Variants in SMARCA2 observed in about 807,000 individuals in gnomAD.
SMARCA2 encodes SWI/SNF related BAF chromatin remodeling complex subunit ATPase 2.
A neutral mutation model predicts 199.8 loss-of-function variants in SMARCA2; 61 were observed. The observed-to-expected ratio is 0.31, with a 90% CI of 0.25 to 0.38. The LOEUF is 0.38. Ranked by LOEUF, SMARCA2 falls within the 10% of genes least tolerant of loss-of-function variation. SMARCA2 has a pLI of 1.00. For synonymous variants in SMARCA2, 935 were observed against 732.0 expected, an observed-to-expected ratio of 1.28 and a Z score of -4.48; for missense variants, 1,344 against 2,012.2, an observed-to-expected ratio of 0.67 and a Z score of 6.35.
intron 17 of SMARCA2, 76 bp downstream of exon 17, chr9:2,084,272 G>A: frequency 1.4e-6 from 1 of 735,814 alleles, no homozygotes; most frequent in Non-Finnish European, 2.3e-6. Context: ...CAAGTCAGTA[G>A]TGTAATTGGA....
At position 2,170,316 on chromosome 9, in the gene SMARCA2, G is replaced by A; in HGVS notation, c.4200-103G>A. 6.9e-7 allele frequency: 1 copy of A among 1,457,586 alleles called. No homozygotes were observed. The highest frequency in any genetic ancestry group is 2.4e-5 in the East Asian group (1 of 41,666). 90.3% of individuals were successfully genotyped at this position (1,457,586 alleles called of 1,614,324 possible). ...TCTTCCTAACAAGGCAGGTTGGTGAGGAGACTGAGGCTTGGCCAGGTCACC... is the reference window on the plus strand; with the variant it reads ...TCTTCCTAACAAGGCAGGTTGGTGAAGAGACTGAGGCTTGGCCAGGTCACC... On this transcript the variant is annotated intron_variant, in intron 28 of 33. Coordinates refer to ENST00000349721, the MANE Select transcript of SMARCA2 (RefSeq NM_003070.5). This position sits in a 1 kb window ranked among gnomAD's most constrained non-coding sequence, Gnocchi z 4.7.
intron 1 of SMARCA2, among the ~76,000 whole-genome samples, chr9:2,025,520 C>A (rs932655320): frequency 1.3e-5 from 2 of 152,158 alleles, no homozygotes; most frequent in East Asian, 3.9e-4. Context: ...CATCTGGGCC[C>A]TCTCCTCCAG....
At position 2,088,617 on chromosome 9, in the gene SMARCA2, T is replaced by A. The variant is rs370901967; in HGVS notation, c.2883+4T>A. 6 of 1,579,622 alleles carry A rather than the reference T, an allele frequency of 3.8e-6. No individual in the cohort carries two copies. The highest frequency in any genetic ancestry group is 8.6e-7 in the Non-Finnish European group (1 of 1,168,638). ...TGAATCCCAGCTTCCCGAAAAAGTA[T>A]GTTGCACAACCAAAAGTTGTGGGTT... On this transcript the variant is annotated splice_donor_region_variant and intron_variant, in intron 19 of 33. Transcript: ENST00000349721.
At chr9:2,140,686 C>A (rs1477653616) in intron 27 of SMARCA2, among the ~76,000 whole-genome samples, 1 of 152,110 alleles carries the variant, frequency 6.6e-6, no homozygotes, top group Non-Finnish European at 1.5e-5. Flanking sequence ...CTTCAGGTAT[C>A]CAAGGTTGGA....
intron 29 of SMARCA2, among the ~76,000 whole-genome samples, chr9:2,179,283 C>T (rs886475729): frequency 2.0e-5 from 3 of 152,186 alleles, no homozygotes; most frequent in East Asian, 1.9e-4. Flanking sequence ...GGAAGCCAGA[C>T]TCTGAGATAT....
At chr9:2,129,839 C>T (rs1210304249) in intron 27 of SMARCA2, among the ~76,000 whole-genome samples, 1 of 152,132 alleles carries the variant, frequency 6.6e-6, no homozygotes, top group African/African-American at 2.4e-5. Context: ...ATGTCAGGAA[C>T]CCAGGACAAA....
intron 4 of SMARCA2, chr9:2,042,758 T>C (rs1407971388): frequency 6.6e-6 from 1 of 152,166 alleles, no homozygotes; most frequent in African/African-American, 2.4e-5. Flanking sequence ...CTCATGTCTT[T>C]TTAAATTTTC....
In SMARCA2 at chr9:2,016,300, G is replaced by A; in HGVS notation, c.-37+896G>A. The A allele has an allele frequency of 6.6e-6, 1 of 152,548 alleles. No individual in the cohort carries two copies. Among genetic ancestry groups the A allele is most frequent in the Non-Finnish European group, 1.5e-5 (1 of 68,228 alleles). The allele number at this position is 152,548 out of a possible 1,614,324, so 9.4% of individuals were successfully genotyped here. A position where few individuals can be genotyped will look rare whatever the true frequency, so the allele number is the denominator to read the frequency against. ...CCTGCCTCTGGTACCTGGCGGCAGC[G>A]CAGGCTCGGGTGTTAAAGTTCGGGA... On this transcript the variant is annotated intron_variant, in intron 1 of 33. Coordinates refer to ENST00000349721, the MANE Select transcript of SMARCA2 (RefSeq NM_003070.5). The surrounding 1 kb of genome is among the most constrained non-coding windows in gnomAD (Gnocchi z 5.6).
chr9:2,134,224 G>T (rs181373507), intron 27 of SMARCA2, among the ~76,000 whole-genome samples: 1 of 152,134 alleles, frequency 6.6e-6, no homozygotes, highest in Non-Finnish European at 1.5e-5. Context: ...AGCTCCTTTC[G>T]CTTACTCACT....
intron 21 of SMARCA2, among the ~76,000 whole-genome samples, chr9:2,098,752 A>G (rs570214008): frequency 2.2e-4 from 33 of 152,310 alleles, no homozygotes; most frequent in African/African-American, 7.9e-4. Context: ...CCTGGCCAAC[A>G]TGGTGAAACC....
chr9:2,051,179 C>T (rs1024067500), intron 5 of SMARCA2, among the ~76,000 whole-genome samples: 1 of 152,080 alleles, frequency 6.6e-6, no homozygotes, highest in Non-Finnish European at 1.5e-5. Flanking sequence ...TTAAAGAAGC[C>T]CCTCCTGTAC....
rs1024161083 is a variant in SMARCA2 at position 2,160,319 on chromosome 9, T to C, written c.3982-1367T>C. On this transcript the variant is annotated intron_variant, in intron 27 of 33. Transcript: ENST00000349721. ...GATCGTGATGGAAATTGTCTTTTGATTATTAAGGCCTAGGCTCAGACTGTC... is the reference window on the plus strand; with the variant it reads ...GATCGTGATGGAAATTGTCTTTTGACTATTAAGGCCTAGGCTCAGACTGTC... The C allele has an allele frequency of 2.5e-5, 11 of 434,036 alleles. No individual in the cohort carries two copies. The East Asian group carries it at 3.8e-4, about 15-fold the overall frequency. 26.9% of individuals were successfully genotyped at this position (434,036 alleles called of 1,614,324 possible).
At position 2,017,550 on chromosome 9, in the gene SMARCA2, G is replaced by A. The variant is rs1205223337; in HGVS notation, c.-37+2146G>A. 1 of 152,462 alleles carries A rather than the reference G, an allele frequency of 6.6e-6. No homozygotes were observed. Among genetic ancestry groups the A allele is most frequent in the Non-Finnish European group, 1.5e-5 (1 of 68,296 alleles). 9.4% of individuals were successfully genotyped at this position (152,462 alleles called of 1,614,324 possible). The stretch of plus-strand genomic sequence containing the variant: ...GGGTGGCGTGTGCGTGTGGTTGTGA[G>A]TGTGTGTGTGTGCGCGCGCGAGCGG... On this transcript the variant is annotated intron_variant, in intron 1 of 33. Coordinates refer to ENST00000349721, the MANE Select transcript of SMARCA2 (RefSeq NM_003070.5). This position sits in a 1 kb window ranked among gnomAD's most constrained non-coding sequence, Gnocchi z 8.8.
rs1045421750 is a variant in SMARCA2, at chr9:2,169,685, T to G, written c.4200-734T>G. ...TACACCTGGAGGGAGATCTAGAGGGTATGGAGGGTCTTCCCAGGATCTGTG... is the reference window on the plus strand; with the variant it reads ...TACACCTGGAGGGAGATCTAGAGGGGATGGAGGGTCTTCCCAGGATCTGTG... On this transcript the variant is annotated intron_variant, in intron 28 of 33. Coordinates refer to ENST00000349721, the MANE Select transcript of SMARCA2 (RefSeq NM_003070.5). This position sits in a 1 kb window ranked among gnomAD's most constrained non-coding sequence, Gnocchi z 6.5. Among the ~76,000 whole-genome samples, 1 of 151,788 alleles carries G rather than the reference T, an allele frequency of 6.6e-6. No homozygotes were observed. The highest frequency in any genetic ancestry group is 1.5e-5 in the Non-Finnish European group (1 of 67,964).
chr9:2,060,116 G>A (rs143118150), intron 8 of SMARCA2, among the ~76,000 whole-genome samples: 1,172 of 62,936 alleles, frequency 0.019, 7 homozygotes, highest in Admixed American at 0.032. Context: ...CAGATCTGTG[G>A]CCAAAAAAAA....
At chr9:2,135,551 C>T (rs1298521565) in intron 27 of SMARCA2, among the ~76,000 whole-genome samples, 1 of 152,154 alleles carries the variant, frequency 6.6e-6, no homozygotes, top group African/African-American at 2.4e-5. Flanking sequence ...TTCCATCTAT[C>T]TAACAGTAAC....
chr9:2,115,771 A>G lies in SMARCA2; in HGVS notation c.3457-51A>G, dbSNP rs1204022071. Reference sequence around the variant, plus strand: ...CCTCTGGGGTGGGGTCCGGTTTTGGATGCCTATGCCAGGCATCTCAGTCCT... The same window carrying G: ...CCTCTGGGGTGGGGTCCGGTTTTGGGTGCCTATGCCAGGCATCTCAGTCCT... On this transcript the variant is annotated intron_variant, in intron 24 of 33. Coordinates refer to ENST00000349721, the MANE Select transcript of SMARCA2 (RefSeq NM_003070.5). This position sits in a 1 kb window ranked among gnomAD's most constrained non-coding sequence, Gnocchi z 6.0. The G allele has an allele frequency of 2.7e-6, 4 of 1,482,244 alleles. No homozygotes were observed. Among genetic ancestry groups the G allele is most frequent in the African/African-American group, 2.8e-5 (2 of 72,200 alleles). 91.8% of individuals were successfully genotyped at this position (1,482,244 alleles called of 1,614,324 possible).
At position 2,110,248 on chromosome 9, in the gene SMARCA2, C is replaced by G. The variant is rs781475505; in HGVS notation, c.3293-6C>G. The G allele has an allele frequency of 1.6e-5, 25 of 1,605,688 alleles. No individual in the cohort carries two copies. In the East Asian group the frequency reaches 5.6e-4, roughly 36 times the overall value. On this transcript the variant is annotated splice_polypyrimidine_tract_variant and splice_region_variant and intron_variant, in intron 23 of 33. Coordinates refer to ENST00000349721, the MANE Select transcript of SMARCA2 (RefSeq NM_003070.5). The surrounding 1 kb of genome is among the most constrained non-coding windows in gnomAD (Gnocchi z 4.8). Reference sequence around the variant, plus strand: ...ATTGGCAAATTAATTTTTCTGATCCCCTCAGGCACCACCAAGTCTGAAGAT... The same window carrying G: ...ATTGGCAAATTAATTTTTCTGATCCGCTCAGGCACCACCAAGTCTGAAGAT...
intron 27 of SMARCA2, among the ~76,000 whole-genome samples, chr9:2,154,709 A>G (rs1408699824): frequency 1.3e-5 from 2 of 152,166 alleles, no homozygotes; most frequent in South Asian, 2.1e-4. Flanking sequence ...GCCATTTGAC[A>G]TTATCTCCAA....
Sources: allele counts gnomAD v4.1 joint callset (sites outside exome capture counted in the v4.1 genomes callset), GRCh38; gene constraint gnomAD v4.1.1; non-coding constraint Gnocchi (gnomAD v3.1); transcripts MANE v1.5; gene names NCBI Gene and HGNC (gene_info 2026-07-23, HGNC 2026-07-21).